ITPRIPL1: variants seen among roughly 807,000 people sequenced by gnomAD.
The protein encoded by ITPRIPL1 is ITPRIP like 1.
ITPRIPL1 carries 28 observed loss-of-function variants against 40.0 expected under a neutral mutation model. The observed-to-expected ratio is 0.70, with a 90% CI of 0.52 to 0.96. The LOEUF (loss-of-function observed/expected upper bound fraction) is 0.96, where lower values mean the gene tolerates loss of function less well. ITPRIPL1 is among the 40% of genes least tolerant of loss of function. ITPRIPL1 has a pLI of 0.00. For missense variants in ITPRIPL1, 638 were observed against 698.0 expected (o/e 0.91, Z 0.97); for synonymous variants, 251 against 275.7 (o/e 0.91, Z 0.89).
chr2:96,327,329 A>C lies in ITPRIPL1; in HGVS notation c.698A>C (p.Gln233Pro), dbSNP rs1440101775. 2 of 1,614,190 alleles carry C rather than the reference A, an allele frequency of 1.2e-6. No homozygotes were observed. The highest frequency in any genetic ancestry group is 1.7e-5 in the Admixed American group (1 of 60,016). ...AAATGGGGAACCCTCCATGAGACCC[A>C]GAAATTTGATATCCTGGTGCCCATT... ...FEKWGTLHET[Q>P]KFDILVPIVP... The change falls in exon 3 of 3, where the codon CAG becomes CCG. Residue 233 changes from glutamine (Q) to proline (P), a missense_variant. Physicochemically the swap from Gln to Pro is moderately conservative, Grantham distance 76 (BLOSUM62 -1). Coordinates refer to ENST00000439118, the MANE Select transcript of ITPRIPL1 (RefSeq NM_001008949.3).
intron 2 of ITPRIPL1, chr2:96,326,089 G>A (rs1052836878): frequency 9.1e-6 from 12 of 1,313,322 alleles, no homozygotes; most frequent in South Asian, 1.3e-5. Context: ...CCTCTCTTGC[G>A]CTCCCTGGGC....
rs539218080 is a variant in ITPRIPL1 at position 96,328,078 on chromosome 2, C to T, written c.1447C>T (p.Arg483Cys). ...RLQDILWFLG[R>C]GLQQRSLHHF... ...CCAGGACATTCTCTGGTTCTTGGGC[C>T]GTGGCCTCCAGCAAAGGTCCCTCCA... Residue 483 changes from arginine (R) to cysteine (C), a missense_variant, in exon 3 of 3, where the codon CGT becomes TGT. By Grantham distance (180) the Arg-to-Cys change is radical. Coordinates refer to ENST00000439118, the MANE Select transcript of ITPRIPL1 (RefSeq NM_001008949.3). 322 of 1,614,122 alleles carry T rather than the reference C, an allele frequency of 2.0e-4. 5 individuals are homozygous for T. The South Asian group carries it at 2.8e-3, about 14-fold the overall frequency.
At chr2:96,328,396 C>A, downstream of ITPRIPL1, 1 of 1,254,406 alleles carries the variant, frequency 8.0e-7, no homozygotes, top group Non-Finnish European at 1.1e-6. Context: ...TATATGTGAC[C>A]TTCACCTTGC....
Position 96,327,854 on chromosome 2 carries a change from T to G in ITPRIPL1, c.1223T>G (p.Leu408Arg), listed in dbSNP as rs1196322185. ...GCCTGTGAGCACCTGTTCCTGAAGC[T>G]GGTGGGGCGCTTTGCCCCCGAGAAC... is the stretch of plus-strand genomic sequence containing the variant. The part of the protein sequence containing the change: ...FVACEHLFLK[L>R]VGRFAPENTC... Residue 408 changes from leucine (L) to arginine (R), a missense_variant, in exon 3 of 3, where the codon CTG becomes CGG. Transcript: ENST00000439118. The G allele has an allele frequency of 6.2e-7, 1 of 1,614,080 alleles. No individual in the cohort carries two copies. The highest frequency in any genetic ancestry group is 1.3e-5 in the African/African-American group (1 of 75,028).
rs2064112198 is a variant in ITPRIPL1, at chr2:96,326,817, A to G, written c.186A>G (p.Arg62=). Residue 62 remains arginine, a synonymous_variant, in exon 3 of 3, where the codon AGA becomes AGG. Transcript: ENST00000439118. ...MRLLEMEFEE[R]KRAAEQRQKA... is the part of the protein sequence containing the mutation. ...TGCTAGAGATGGAGTTTGAAGAGAG[A>G]AAGCGAGCCGCTGAGCAGAGGCAGA... 6.2e-7 allele frequency: 1 copy of G among 1,614,086 alleles called. No homozygotes were observed. The highest frequency in any genetic ancestry group is 8.5e-7 in the Non-Finnish European group (1 of 1,180,030).
Position 96,325,856 on chromosome 2 carries a change from G to A in ITPRIPL1, c.10+7G>A, listed in dbSNP as rs2064101397. On this transcript the variant is annotated splice_region_variant and intron_variant, in intron 2 of 2. Coordinates refer to ENST00000439118, the MANE Select transcript of ITPRIPL1 (RefSeq NM_001008949.3). The stretch of plus-strand genomic sequence containing the variant: ...TAGTCCTTCATGAATGTTGGTAAGC[G>A]CGGTAGCTTGTGAATTAGGGTGAGT... 6.2e-7 allele frequency: 1 copy of A among 1,613,942 alleles called. No individual in the cohort carries two copies. Among genetic ancestry groups the A allele is most frequent in the Admixed American group, 1.7e-5 (1 of 60,028 alleles).
At chr2:96,326,258 C>T (rs1226484446) in intron 2 of ITPRIPL1, 2 of 1,440,066 alleles carry the variant, frequency 1.4e-6, no homozygotes, top group Admixed American at 4.2e-5. Context: ...AAAAGGGAGC[C>T]TCTGGGATCA....
chr2:96,329,381 TGAC>T (rs1318359755), downstream of ITPRIPL1: 2 of 151,942 alleles, frequency 1.3e-5, no homozygotes, highest in Non-Finnish European at 2.9e-5. Flanking sequence ...TAACATCTGA[TGAC>T]CTTTTTAAGG....
downstream of ITPRIPL1, chr2:96,329,401 G>C (rs2064145494): frequency 6.6e-6 from 1 of 151,710 alleles, no homozygotes; most frequent in African/African-American, 2.4e-5. Context: ...AAGGTGCCTG[G>C]AGGCAACATT....
chr2:96,325,961 C>G, intron 2 of ITPRIPL1, 112 bp downstream of exon 2: 1 of 1,283,442 alleles, frequency 7.8e-7, no homozygotes, highest in South Asian at 1.2e-5. Flanking sequence ...CCTTGGGCAC[C>G]TGGTTCTGCA....
rs903190127 is a variant in ITPRIPL1, at chr2:96,325,431, C to A, written c.-228C>A. On this transcript the variant is annotated 5_prime_UTR_variant, in exon 1 of 3. Coordinates refer to ENST00000439118, the MANE Select transcript of ITPRIPL1 (RefSeq NM_001008949.3). ...ACGCTCGGACAAGCATGGTCTATAA[C>A]CCAGGAAAGGGGAGCAGGGCCACTC... The A allele has an allele frequency of 1.5e-5, 4 of 271,198 alleles. No homozygotes were observed. The highest frequency in any genetic ancestry group is 6.7e-5 in the African/African-American group (3 of 44,844). The allele number at this position is 271,198 out of a possible 1,614,324, so 16.8% of individuals were successfully genotyped here.
At chr2:96,328,396 C>T, downstream of ITPRIPL1, 1 of 1,254,408 alleles carries the variant, frequency 8.0e-7, no homozygotes, top group South Asian at 1.5e-5. Context: ...TATATGTGAC[C>T]TTCACCTTGC....
intron 2 of ITPRIPL1, chr2:96,326,336 C>T: frequency 6.8e-7 from 1 of 1,481,372 alleles, no homozygotes. Context: ...CAAGGGTCCC[C>T]CTCCCCATCC....
chr2:96,329,173 A>ATATATATATATC (rs1253070294), downstream of ITPRIPL1: 2 of 134,538 alleles, frequency 1.5e-5, no homozygotes, highest in Non-Finnish European at 3.3e-5. Context: ...ATATATATAT[A>ATATATATATATC]TATATATATA....
In ITPRIPL1 at chr2:96,327,738, G is replaced by A; in HGVS notation, c.1107G>A (p.Gly369=). The change falls in exon 3 of 3, where the codon GGG becomes GGA. Residue 369 remains glycine (G), a synonymous_variant. Transcript: ENST00000439118. ...TTCTCTCAATCCACTTGGTCCTGGG[G>A]GTGCAACGAGAAGACACCTTGGTCT... The part of the protein sequence containing the change: ...GRFLSIHLVL[G]VQREDTLVYL... The A allele has an allele frequency of 6.2e-7, 1 of 1,613,456 alleles. No individual in the cohort carries two copies. Among genetic ancestry groups the A allele is most frequent in the Non-Finnish European group, 8.5e-7 (1 of 1,179,704 alleles).
At position 96,325,564 on chromosome 2, in the gene ITPRIPL1, C is replaced by T. The variant is rs142503574; in HGVS notation, c.-95C>T. On this transcript the variant is annotated splice_region_variant and 5_prime_UTR_variant, in exon 1 of 3. In the 5' UTR this introduces an upstream ATG that the reference lacks. Transcript: ENST00000439118. ...AAGATCGTGTTCCTACTAACACTGA[C>T]GGTGAGTAACCTGGCCCTGGGTCCC... 1.6e-4 allele frequency: 92 copies of T among 568,322 alleles called. No homozygotes were observed. The East Asian group carries it at 2.5e-3, about 15-fold the overall frequency. The allele number at this position is 568,322 out of a possible 1,614,324, so 35.2% of individuals were successfully genotyped here. A position where few individuals can be genotyped will look rare whatever the true frequency, so the allele number is the denominator to read the frequency against.
At chr2:96,330,438 A>G (rs1037656790), downstream of ITPRIPL1, 3 of 152,090 alleles carry the variant, frequency 2.0e-5, no homozygotes, top group African/African-American at 4.8e-5. Context: ...CAACATTCAC[A>G]TACTTTTTGT....
In ITPRIPL1 at chr2:96,325,490, C is replaced by T. The variant is rs1383223070; in HGVS notation, c.-169C>T. On this transcript the variant is annotated 5_prime_UTR_variant, in exon 1 of 3. Coordinates refer to ENST00000439118, the MANE Select transcript of ITPRIPL1 (RefSeq NM_001008949.3). ...GGCCCCAGCGATGAACCGGACGCCC[C>T]CACCCTGCCGGGAAAAAAGCAGTGG... 1 of 396,210 alleles carries T rather than the reference C, an allele frequency of 2.5e-6. No individual in the cohort carries two copies. The highest frequency in any genetic ancestry group is 2.0e-5 in the African/African-American group (1 of 48,910). The allele number at this position is 396,210 out of a possible 1,614,324, so 24.5% of individuals were successfully genotyped here. A position where few individuals can be genotyped will look rare whatever the true frequency, so the allele number is the denominator to read the frequency against.
rs139219670 is a variant in ITPRIPL1 at position 96,326,989 on chromosome 2, C to G, written c.358C>G (p.Leu120Val). 6.2e-7 allele frequency: 1 copy of G among 1,614,174 alleles called. No homozygotes were observed. Among genetic ancestry groups the G allele is most frequent in the Non-Finnish European group, 8.5e-7 (1 of 1,180,024 alleles). ...GNLWNTGLFCLFLVFELLRQN... is the reference protein window; with the variant it reads ...GNLWNTGLFCVFLVFELLRQN... Reference sequence around the variant, plus strand: ...CCTGTGGAACACTGGCCTCTTTTGCCTTTTTCTCGTCTTTGAGCTCCTGCG... The same window carrying G: ...CCTGTGGAACACTGGCCTCTTTTGCGTTTTTCTCGTCTTTGAGCTCCTGCG... The change falls in exon 3 of 3, where the codon CTT becomes GTT. Residue 120 changes from leucine (L) to valine (V), a missense_variant. Physicochemically the swap from Leu to Val is conservative, Grantham distance 32. Transcript: ENST00000439118.
Sources: allele counts gnomAD v4.1 joint callset, GRCh38; gene constraint gnomAD v4.1.1; transcripts MANE v1.5; gene names NCBI Gene and HGNC (gene_info 2026-07-23, HGNC 2026-07-21).